RANBP2: variants seen among roughly 807,000 people sequenced by gnomAD.
RANBP2 encodes RAN binding protein 2.
A neutral mutation model predicts 303.6 loss-of-function variants in RANBP2; 57 were observed. The ratio of observed to expected loss-of-function variants is 0.19; its 90% CI spans 0.15 to 0.23. The LOEUF (loss-of-function observed/expected upper bound fraction) is 0.23. RANBP2 is among the 10% of genes least tolerant of loss of function. RANBP2 has a pLI of 1.00. For missense variants in RANBP2, 3,138 were observed against 3,780.8 expected (o/e 0.83, Z 4.46); for synonymous variants, 1,167 against 1,301.5 (o/e 0.90, Z 2.23).
intron 12 of RANBP2, among the ~76,000 whole-genome samples, chr2:108,752,448 G>A (rs933239411): frequency 5.3e-5 from 8 of 151,760 alleles, no homozygotes; most frequent in African/African-American, 1.2e-4. Flanking sequence ...GGATTGCTAC[G>A]TTAGGATGGT....
chr2:108,962,470 G>A, the RANBP2 span, among the ~76,000 whole-genome samples: 4 of 151,894 alleles, frequency 2.6e-5, no homozygotes, highest in African/African-American at 4.8e-5. Context: ...TCAGGAGATC[G>A]AGACCATCCT....
the RANBP2 span, among the ~76,000 whole-genome samples, chr2:109,160,044 T>C: frequency 6.6e-6 from 1 of 152,218 alleles, no homozygotes; most frequent in African/African-American, 2.4e-5. Flanking sequence ...GGAAAAGTCA[T>C]CTTCCATGAA....
chr2:109,551,310 G>A, the RANBP2 span, among the ~76,000 whole-genome samples: 1 of 152,292 alleles, frequency 6.6e-6, no homozygotes, highest in African/African-American at 2.4e-5. Context: ...TTAAATAACA[G>A]TCCTTTAATA....
At chr2:109,285,053 G>A in the RANBP2 span, among the ~76,000 whole-genome samples, 1 of 152,252 alleles carries the variant, frequency 6.6e-6, no homozygotes, top group Admixed American at 6.5e-5. Context: ...TCCATGGCCG[G>A]CCACACAGCC....
chr2:109,439,218 G>A, the RANBP2 span, among the ~76,000 whole-genome samples: 1 of 152,128 alleles, frequency 6.6e-6, no homozygotes, highest in Non-Finnish European at 1.5e-5. Flanking sequence ...AGGGTGCCAC[G>A]AGCATTCTCT....
At chr2:109,578,384 G>A in the RANBP2 span, among the ~76,000 whole-genome samples, 20 of 152,148 alleles carry the variant, frequency 1.3e-4, no homozygotes, top group Non-Finnish European at 2.8e-4. Context: ...ATACTGACAT[G>A]GAAGCATTAC....
At chr2:108,840,825 T>A in the RANBP2 span, among the ~76,000 whole-genome samples, 1 of 152,180 alleles carries the variant, frequency 6.6e-6, no homozygotes, top group East Asian at 1.9e-4. Flanking sequence ...TTTATTTTTT[T>A]GAGACAGAGC....
the RANBP2 span, among the ~76,000 whole-genome samples, chr2:109,120,865 C>A: frequency 6.6e-6 from 1 of 152,082 alleles, no homozygotes; most frequent in Non-Finnish European, 1.5e-5. Flanking sequence ...CTTCCTGGTA[C>A]AGAGAAGCCC....
chr2:109,013,237 G>A, the RANBP2 span, among the ~76,000 whole-genome samples: 8,861 of 152,244 alleles, frequency 0.058, 259 homozygotes, highest in East Asian at 0.072. Flanking sequence ...TTCCTTCGGC[G>A]CTTGATATCA....
chr2:109,038,442 T>C, the RANBP2 span, among the ~76,000 whole-genome samples: 1 of 152,098 alleles, frequency 6.6e-6, no homozygotes, highest in Non-Finnish European at 1.5e-5. Context: ...AAGACCAGCC[T>C]TAGCAACATG....
the RANBP2 span, among the ~76,000 whole-genome samples, chr2:109,696,366 G>A: frequency 6.6e-6 from 1 of 152,154 alleles, no homozygotes; most frequent in Admixed American, 6.6e-5. Flanking sequence ...GTATATATGT[G>A]AAATAAGATT....
the RANBP2 span, among the ~76,000 whole-genome samples, chr2:109,652,458 T>G: frequency 6.6e-6 from 1 of 152,128 alleles, no homozygotes; most frequent in Non-Finnish European, 1.5e-5. Context: ...ATCTCCTGAC[T>G]TCGTGATCCG....
At chr2:109,160,061 C>A in the RANBP2 span, among the ~76,000 whole-genome samples, 3 of 152,214 alleles carry the variant, frequency 2.0e-5, no homozygotes, top group Non-Finnish European at 1.5e-5. Context: ...TGAAACCAGT[C>A]CTTGGTGCCA....
the RANBP2 span, among the ~76,000 whole-genome samples, chr2:109,301,939 C>T: frequency 4.5e-4 from 68 of 152,308 alleles, no homozygotes; most frequent in African/African-American, 1.6e-3. Context: ...TTTCTGCCCT[C>T]CTTCCCGCAG....
the RANBP2 span, among the ~76,000 whole-genome samples, chr2:108,855,698 T>G: frequency 6.6e-6 from 1 of 152,214 alleles, no homozygotes; most frequent in Admixed American, 6.5e-5. Context: ...TCTTACTTTC[T>G]CAAAATAGTT....
chr2:108,763,906 T>G lies in RANBP2; in HGVS notation c.3367T>G (p.Ser1123Ala), dbSNP rs199881964. The G allele has an allele frequency of 5.8e-5, 93 of 1,613,782 alleles. No individual in the cohort carries two copies. Among genetic ancestry groups the G allele is most frequent in the Non-Finnish European group, 6.8e-5 (80 of 1,179,980 alleles). ...CATGGGGTCGAGTCAGCAAAAGAAT[T>G]CTGGTTTTCGGCGAAGTGATGATAT... ...ENMGSSQQKNSGFRRSDDMFT... is the reference protein window; with the variant it reads ...ENMGSSQQKNAGFRRSDDMFT... Residue 1123 changes from serine to alanine, a missense_variant, in exon 20 of 29, where the codon TCT becomes GCT. Coordinates refer to ENST00000283195, the MANE Select transcript of RANBP2 (RefSeq NM_006267.5).
chr2:109,284,436 A>G, the RANBP2 span, among the ~76,000 whole-genome samples: 10 of 152,196 alleles, frequency 6.6e-5, no homozygotes, highest in African/African-American at 2.4e-4. Context: ...TGGCTGGTCT[A>G]GGGCGTGTGG....
the RANBP2 span, among the ~76,000 whole-genome samples, chr2:109,200,585 C>T: frequency 6.6e-6 from 1 of 152,168 alleles, no homozygotes; most frequent in South Asian, 2.1e-4. Context: ...CACCGCCGAC[C>T]TTTTCCACCT....
At chr2:109,116,487 C>T in the RANBP2 span, among the ~76,000 whole-genome samples, 1 of 152,196 alleles carries the variant, frequency 6.6e-6, no homozygotes, top group Admixed American at 6.5e-5. Flanking sequence ...TCCATCAGCT[C>T]CTTTAAGCAC....
Sources: allele counts gnomAD v4.1 joint callset (sites outside exome capture counted in the v4.1 genomes callset), GRCh38; gene constraint gnomAD v4.1.1; transcripts MANE v1.5; gene names NCBI Gene and HGNC (gene_info 2026-07-23, HGNC 2026-07-21).